The following TAF1 variants were observed in gnomAD, a reference collection of about 807,000 sequenced individuals.
The protein encoded by TAF1 is TATA-box binding protein associated factor 1.
In TAF1, 2 loss-of-function variants were observed where a neutral mutation model predicts 138.5. The observed-to-expected ratio is 0.01, with a 90% CI of 0.01 to 0.05. TAF1 has a LOEUF of 0.05. TAF1 is among the 10% of genes least tolerant of loss of function. The pLI is 1.00. For missense variants in TAF1, 709 were observed against 1,478.0 expected, an observed-to-expected ratio of 0.48 and a Z score of 8.53; for synonymous variants, 437 against 503.2, an observed-to-expected ratio of 0.87 and a Z score of 1.76.
At chrX:71,407,752 A>G (rs2035550180) in intron 27 of TAF1, 80 bp downstream of exon 27, 1 of 1,050,986 alleles carries the variant, frequency 9.5e-7, no homozygotes, top group Non-Finnish European at 1.3e-6. Flanking sequence ...AGAGGGCAGT[A>G]ATCTGTAGAT....
chrX:71,481,289 C>T (rs1362237323), intron 13 of TAF1, among the ~76,000 whole-genome samples: 1 of 111,962 alleles, frequency 8.9e-6, no homozygotes, highest in Non-Finnish European at 1.9e-5. Context: ...CTCACACACA[C>T]ACATACACAC....
At chrX:71,446,583 G>T (rs1343050910) in intron 32 of TAF1, among the ~76,000 whole-genome samples, 5 of 112,199 alleles carry the variant, frequency 4.5e-5, no homozygotes, top group African/African-American at 1.6e-4. Context: ...TATAGGAAAA[G>T]GTGTTTTGAA....
At chrX:71,404,444 TCTC>T (rs1457509559) in intron 25 of TAF1, among the ~76,000 whole-genome samples, 1 of 110,509 alleles carries the variant, frequency 9.0e-6, no homozygotes, top group Non-Finnish European at 1.9e-5. Flanking sequence ...TTCAAGCAGT[TCTC>T]CTGCCTCAGC....
At chrX:71,437,934 C>G (rs920212820) in intron 32 of TAF1, among the ~76,000 whole-genome samples, 2 of 104,190 alleles carry the variant, frequency 1.9e-5, no homozygotes, top group Non-Finnish European at 1.9e-5. Flanking sequence ...TTCCTGGATT[C>G]AAACGTTTCT....
chrX:71,491,311 G>A (rs1478908746), intron 13 of TAF1: 1 of 109,919 alleles, frequency 9.1e-6, no homozygotes, highest in African/African-American at 3.3e-5. Flanking sequence ...ATGTACGGGA[G>A]TTTGTTTCTC....
At chrX:71,451,911 A>G (rs1426985683) in intron 32 of TAF1, among the ~76,000 whole-genome samples, 1 of 112,628 alleles carries the variant, frequency 8.9e-6, no homozygotes, top group Non-Finnish European at 1.9e-5. Flanking sequence ...CCGATTTCTC[A>G]ATCTTTTCCC....
At chrX:71,398,081 T>G (rs1360748774) in intron 23 of TAF1, among the ~76,000 whole-genome samples, 1 of 111,856 alleles carries the variant, frequency 8.9e-6, no homozygotes, top group Non-Finnish European at 1.9e-5. Flanking sequence ...GGCTCACGCC[T>G]GTAATCCCAG....
intron 37 of TAF1, 143 bp downstream of exon 37, chrX:71,460,946 A>C: frequency 1.2e-6 from 1 of 842,981 alleles, no homozygotes; most frequent in African/African-American, 2.0e-5. Flanking sequence ...CTCTGGGGAT[A>C]CACAGAGGAG....
chrX:71,513,658 G>A (rs755968253), intron 13 of TAF1, among the ~76,000 whole-genome samples: 1 of 111,501 alleles, frequency 9.0e-6, no homozygotes, highest in South Asian at 3.8e-4. Flanking sequence ...AAAGCAGGAG[G>A]ATGACTTGAA....
intron 32 of TAF1, among the ~76,000 whole-genome samples, chrX:71,451,197 CCAAA>C (rs1357945932): frequency 3.6e-5 from 4 of 111,935 alleles, no homozygotes; most frequent in Non-Finnish European, 5.6e-5. Context: ...TTTATGTGAG[CCAAA>C]CAAACTACAA....
chrX:71,375,293 A>G lies in TAF1; in HGVS notation c.472+7A>G, dbSNP rs778074472. ...CAGGATTCTATTACTGGTGGTAAGT[A>G]GAGATTGTCTACTTTTGTCTGAGGA... On this transcript the variant is annotated splice_region_variant and intron_variant, in intron 4 of 37. Transcript: ENST00000423759. 2.5e-6 allele frequency: 3 copies of G among 1,207,017 alleles called. No individual in the cohort carries two copies. Among genetic ancestry groups the G allele is most frequent in the Middle Eastern group, 4.6e-4 (2 of 4,330 alleles).
intron 34 of TAF1, among the ~76,000 whole-genome samples, chrX:71,455,264 T>G (rs996324609): frequency 1.8e-5 from 2 of 111,630 alleles, no homozygotes; most frequent in African/African-American, 6.5e-5. Context: ...TGATTACTCA[T>G]TCCCTCAGAG....
chrX:71,407,497 T>A, intron 26 of TAF1, 77 bp from the exon 27 acceptor site: 1 of 920,346 alleles, frequency 1.1e-6, no homozygotes, highest in Non-Finnish European at 1.6e-6. Flanking sequence ...GGATTACAGG[T>A]GTGAGCTACT....
At chrX:71,413,156 C>T (rs746308344) in intron 28 of TAF1, among the ~76,000 whole-genome samples, 2 of 111,588 alleles carry the variant, frequency 1.8e-5, no homozygotes, top group South Asian at 3.7e-4. Flanking sequence ...GAAACACTTG[C>T]GGTCCCAAGC....
chrX:71,472,180 A>G (rs1224041697), intron 13 of TAF1, among the ~76,000 whole-genome samples: 2 of 111,429 alleles, frequency 1.8e-5, no homozygotes, highest in Non-Finnish European at 3.8e-5. Context: ...TATTTTTTTA[A>G]TAGATAAAAG....
chrX:71,392,507 A>G, intron 18 of TAF1, 62 bp from the exon 19 acceptor site: 1 of 1,086,716 alleles, frequency 9.2e-7, no homozygotes, highest in Non-Finnish European at 1.2e-6. Context: ...ACTCTTGTAG[A>G]TATTGGCTAG....
At chrX:71,369,146 G>A (rs1489839827) in intron 3 of TAF1, among the ~76,000 whole-genome samples, 2 of 110,560 alleles carry the variant, frequency 1.8e-5, no homozygotes, top group Non-Finnish European at 3.8e-5. Flanking sequence ...CACCACGCCC[G>A]GCCACATCTG....
At chrX:71,398,881 G>T in intron 24 of TAF1, 144 bp downstream of exon 24, 3 of 867,304 alleles carry the variant, frequency 3.5e-6, no homozygotes, top group East Asian at 7.1e-5. Flanking sequence ...CTACTTGGGG[G>T]TGTTCTCAAT....
intron 7 of TAF1, 114 bp downstream of exon 7, chrX:71,378,567 A>T: frequency 5.5e-6 from 5 of 911,812 alleles, no homozygotes; most frequent in Non-Finnish European, 7.6e-6. Context: ...TTGGTGGGAG[A>T]TTGAGGTGTC....
Sources: allele counts gnomAD v4.1 joint callset (sites outside exome capture counted in the v4.1 genomes callset), GRCh38; gene constraint gnomAD v4.1.1; transcripts MANE v1.5; gene names NCBI Gene and HGNC (gene_info 2026-07-23, HGNC 2026-07-21).